NEK5: variants seen among roughly 807,000 people sequenced by gnomAD.
NEK5 encodes serine/threonine-protein kinase Nek5.
In NEK5, 88 loss-of-function variants were observed where a neutral mutation model predicts 109.2. That is an observed-to-expected ratio of 0.81 (90% CI 0.68 to 0.96). The LOEUF is 0.96. Among genes scored for constraint, NEK5 ranks in the 40% least tolerant of loss-of-function variants. NEK5 has a pLI of 0.00. For synonymous variants in NEK5, 283 were observed against 299.9 expected, an observed-to-expected ratio of 0.94 and a Z score of 0.58; for missense variants, 834 against 920.7, an observed-to-expected ratio of 0.91 and a Z score of 1.22.
At chr13:52,046,430 G>A (rs1231158607) in intron 23 of NEK5, among the ~76,000 whole-genome samples, 3 of 150,258 alleles carry the variant, frequency 2.0e-5, no homozygotes, top group Non-Finnish European at 4.4e-5. Flanking sequence ...AGTAAGCCAT[G>A]ATCGGGCCAC....
chr13:52,063,044 C>T (rs9568695), intron 21 of NEK5, among the ~76,000 whole-genome samples: 62,753 of 150,842 alleles, frequency 0.42, 14,931 homozygotes, highest in Non-Finnish European at 0.53. Context: ...CCTCTCCCCA[C>T]GGTCCCCCTC....
chr13:52,071,499 TTA>T (rs1954782760), intron 20 of NEK5, among the ~76,000 whole-genome samples: 1 of 152,226 alleles, frequency 6.6e-6, no homozygotes, highest in Non-Finnish European at 1.5e-5. Context: ...CTGCCTTTCT[TTA>T]CTTACAATTG....
chr13:52,083,095 A>C (rs1400944550), intron 17 of NEK5, among the ~76,000 whole-genome samples, 165 bp downstream of exon 17: 1 of 152,144 alleles, frequency 6.6e-6, no homozygotes, highest in Non-Finnish European at 1.5e-5. Context: ...GCAGTGAGCC[A>C]AGATCGCACG....
chr13:52,110,533 AAT>A lies in NEK5; in HGVS notation c.355_356del (p.Ile119SerfsTer2). The A allele has an allele frequency of 1.9e-6, 3 of 1,612,886 alleles. No individual in the cohort carries two copies. Among genetic ancestry groups the A allele is most frequent in the Non-Finnish European group, 2.5e-6 (3 of 1,179,130 alleles). Reference protein sequence around the residue: ...FVQISLGLKHIHDRKILHRDI... With the variant: ...FVQISLGLKHXHDRKILHRDI... ...CCCTGTGTAATATCTTCCTGTCATG[AAT>A]ATGTTTTAGTCCTAGAGAAATCTGT... is the stretch of plus-strand genomic sequence containing the variant. On this transcript the variant is annotated frameshift_variant, in exon 6 of 24. Coordinates refer to ENST00000684899, the MANE Select transcript of NEK5 (RefSeq NM_001365552.1). LOFTEE classifies it high-confidence loss of function.
chr13:52,114,818 A>T (rs992243936), intron 4 of NEK5, among the ~76,000 whole-genome samples: 6 of 152,144 alleles, frequency 3.9e-5, no homozygotes, highest in African/African-American at 1.2e-4. Flanking sequence ...GTTTCTTGTC[A>T]TTGAAGCTCA....
chr13:52,037,706 G>A (rs966915592), intron 23 of NEK5, among the ~76,000 whole-genome samples: 5 of 152,058 alleles, frequency 3.3e-5, no homozygotes, highest in East Asian at 1.9e-4. Flanking sequence ...GGCGGATCAC[G>A]AGGTCAGGAG....
Position 52,065,469 on chromosome 13 carries a change from T to A in NEK5, c.1975+15A>T, listed in dbSNP as rs752317410. The A allele has an allele frequency of 2.5e-6, 4 of 1,614,068 alleles. No homozygotes were observed. The African/African-American group carries it at 5.3e-5, about 22-fold the overall frequency. ...GTCTTCCCTTCCTGACGACTGACGC[T>A]AAGCACAGACTCACTGTCAGGCCCC... On this transcript the variant is annotated intron_variant, in intron 21 of 23. Transcript: ENST00000684899.
rs774308930 is a variant in NEK5 at position 52,101,985 on chromosome 13, A to G, written c.840T>C (p.Leu280=). Residue 280 remains leucine, a synonymous_variant, in exon 11 of 24, where the codon CTT becomes CTC. Transcript: ENST00000684899. ...EVIQEEFSHM[L]ICRAGAPASR... ...AAGCTGGCGCTCCTGCTCTGCATAT[A>G]AGCATGTGACTGAATTCTTCCTGAA... 35 of 1,614,018 alleles carry G rather than the reference A, an allele frequency of 2.2e-5. No homozygotes were observed. Among genetic ancestry groups the G allele is most frequent in the Non-Finnish European group, 2.9e-5 (34 of 1,180,026 alleles).
chr13:52,085,887 G>A (rs1034674735), intron 16 of NEK5, among the ~76,000 whole-genome samples: 1 of 152,160 alleles, frequency 6.6e-6, no homozygotes, highest in African/African-American at 2.4e-5. Context: ...AAAAATGCTA[G>A]TGTGTTGGGT....
rs577479582 is a variant in NEK5 at position 52,046,234 on chromosome 13, TG to T, written c.2228+3869del. Among the ~76,000 whole-genome samples the T allele has an allele frequency of 2.7e-3, 405 of 149,872 alleles. 1 individual carries two copies. The highest frequency in any genetic ancestry group is 5.1e-3 in the Non-Finnish European group (343 of 67,548). On this transcript the variant is annotated intron_variant, in intron 23 of 23. Transcript: ENST00000684899. Reference sequence around the variant, plus strand: ...GCTCATGCCTGTAATCTTAACCCCTTGGGGGGCCAAGGCATGAAAATCACTT... The same window carrying T: ...GCTCATGCCTGTAATCTTAACCCCTTGGGGGCCAAGGCATGAAAATCACTT...
chr13:52,088,889 G>A (rs1229031525), intron 14 of NEK5, among the ~76,000 whole-genome samples: 2 of 151,760 alleles, frequency 1.3e-5, no homozygotes, highest in Non-Finnish European at 2.9e-5. Flanking sequence ...TCAGGAGTTC[G>A]AGACCAGCCT....
intron 17 of NEK5, among the ~76,000 whole-genome samples, chr13:52,078,451 G>A (rs571920660): frequency 3.9e-5 from 6 of 152,172 alleles, no homozygotes; most frequent in South Asian, 2.1e-4. Flanking sequence ...ACAAAAGGGC[G>A]CAACAAACTT....
intron 22 of NEK5, among the ~76,000 whole-genome samples, chr13:52,050,747 T>C (rs1395156197): frequency 1.4e-5 from 2 of 145,282 alleles, no homozygotes; most frequent in Non-Finnish European, 3.0e-5. Flanking sequence ...TGAGACAGAG[T>C]CTGGCTTTGT....
intron 22 of NEK5, among the ~76,000 whole-genome samples, chr13:52,061,472 T>C (rs1730641149): frequency 6.6e-6 from 1 of 152,212 alleles, no homozygotes; most frequent in Admixed American, 6.5e-5. Flanking sequence ...TTATTGTCCA[T>C]GGGATAGTAA....
chr13:52,086,874 T>A (rs1393636168), intron 15 of NEK5, among the ~76,000 whole-genome samples: 1 of 152,176 alleles, frequency 6.6e-6, no homozygotes, highest in African/African-American at 2.4e-5. Context: ...AATGGAGTGA[T>A]GCGACTGCAA....
intron 14 of NEK5, among the ~76,000 whole-genome samples, chr13:52,087,725 A>C (rs1955180688): frequency 1.3e-5 from 2 of 151,740 alleles, no homozygotes; most frequent in Non-Finnish European, 2.9e-5. Context: ...TCCTAGGCTC[A>C]AGCAATTGTC....
In NEK5 at chr13:52,120,911, C is replaced by CA. The variant is rs76615049; in HGVS notation, c.118-1497dup. 9.7e-3 allele frequency among the ~76,000 whole-genome samples: 639 copies of CA among 66,018 alleles called. 2 individuals carry two copies. The highest frequency in any genetic ancestry group is 0.023 in the Admixed American group (138 of 6,056). The allele number at this position is 66,018 out of a possible 152,430, so 43.3% of individuals were successfully genotyped here. A position where few individuals can be genotyped will look rare whatever the true frequency, so the allele number is the denominator to read the frequency against. On this transcript the variant is annotated intron_variant, in intron 3 of 23. Transcript: ENST00000684899. ...TGGGTGACAGAGTAAGACTCCATTG[C>CA]AAAAAAAAAAAAAAAGGAATAAAAG...
rs868794426 is a variant in NEK5, at chr13:52,080,251, A to G, written c.1572+3009T>C. Among the ~76,000 whole-genome samples the G allele has an allele frequency of 6.8e-3, 818 of 120,806 alleles. 15 individuals are homozygous for G. The highest frequency in any genetic ancestry group is 0.022 in the African/African-American group (743 of 33,990). The allele number at this position is 120,806 out of a possible 152,430, so 79.3% of individuals were successfully genotyped here. On this transcript the variant is annotated intron_variant, in intron 17 of 23. Transcript: ENST00000684899. ...AGCCCCCCGCCCGGCCAGCCGCCCC[A>G]TCCGGGAGGGAGGTGGGGGGGGGTC...
chr13:52,104,521 CAT>C lies in NEK5; in HGVS notation c.584_585del (p.Tyr195Ter), dbSNP rs773697265. The C allele has an allele frequency of 1.2e-6, 2 of 1,606,726 alleles. No homozygotes were observed. The highest frequency in any genetic ancestry group is 1.7e-6 in the Non-Finnish European group (2 of 1,173,456). ...TDIWSLGCVL[Y>X]ELCTLKHPFE... is the part of the protein sequence containing the mutation. ...ACAGGATGTTTAAGTGTGCAGAGCT[CAT>C]ATAAGACACAGCCAAGAGACCAAAT... On this transcript the variant is annotated frameshift_variant, in exon 9 of 24. Transcript: ENST00000684899. LOFTEE classifies it high-confidence loss of function.
Sources: allele counts gnomAD v4.1 joint callset (sites outside exome capture counted in the v4.1 genomes callset), GRCh38; gene constraint gnomAD v4.1.1; transcripts MANE v1.5; gene names NCBI Gene and HGNC (gene_info 2026-07-23, HGNC 2026-07-21).